The following CLSTN2 variants were observed in gnomAD, a reference collection of about 807,000 sequenced individuals.
CLSTN2 encodes the protein calsyntenin 2.
A neutral mutation model predicts 101.2 loss-of-function variants in CLSTN2; 48 were observed. The observed-to-expected ratio is 0.47, with a 90% confidence interval of 0.38 to 0.60. The LOEUF (loss-of-function observed/expected upper bound fraction) is 0.60. Ranked by LOEUF, CLSTN2 falls within the 20% of genes least tolerant of loss-of-function variation. The probability of loss-of-function intolerance (pLI) is 0.00; values close to 1 mark genes in which losing one functional copy is unlikely to be tolerated. For synonymous variants in CLSTN2, 481 were observed against 463.6 expected (o/e 1.04, Z -0.48); for missense variants, 1,160 against 1,238.2 (o/e 0.94, Z 0.95).
chr3:140,132,695 T>G (rs1454975114), intron 1 of CLSTN2, among the ~76,000 whole-genome samples: 2 of 152,210 alleles, frequency 1.3e-5, no homozygotes, highest in Non-Finnish European at 2.9e-5. Context: ...GTTTTATACT[T>G]CTTAAAGTTT....
intron 5 of CLSTN2, among the ~76,000 whole-genome samples, chr3:140,428,049 G>A (rs1045561022): frequency 1.3e-5 from 2 of 152,158 alleles, no homozygotes; most frequent in African/African-American, 4.8e-5. Flanking sequence ...ACAGCAGTGG[G>A]CCCAGCCAGA....
At chr3:140,453,378 G>A (rs563191520) in intron 6 of CLSTN2, 39 of 152,282 alleles carry the variant, frequency 2.6e-4, no homozygotes, top group African/African-American at 9.4e-4. Context: ...GTTGTTCTCA[G>A]GATTTATATA....
intron 1 of CLSTN2, among the ~76,000 whole-genome samples, chr3:140,149,678 T>C (rs1167593843): frequency 6.6e-6 from 1 of 152,094 alleles, no homozygotes; most frequent in Non-Finnish European, 1.5e-5. Context: ...AGGATGGTCT[T>C]GATCTCTTGA....
chr3:140,360,999 G>GT (rs978818941), intron 2 of CLSTN2, among the ~76,000 whole-genome samples: 19 of 152,138 alleles, frequency 1.2e-4, no homozygotes, highest in Non-Finnish European at 4.4e-5. Flanking sequence ...ATACTTGTTG[G>GT]TTTTTTCTGT....
chr3:140,420,271 T>C (rs1293215927), intron 4 of CLSTN2, among the ~76,000 whole-genome samples: 2 of 151,586 alleles, frequency 1.3e-5, no homozygotes, highest in African/African-American at 2.4e-5. Flanking sequence ...TGAGTTCTAA[T>C]TTGCTGTCAA....
intron 1 of CLSTN2, among the ~76,000 whole-genome samples, chr3:140,113,854 G>A (rs903606929): frequency 6.6e-6 from 1 of 152,186 alleles, no homozygotes; most frequent in African/African-American, 2.4e-5. Flanking sequence ...AATTGTGTGT[G>A]TGTATATATG....
At chr3:140,109,747 G>A (rs544052049) in intron 1 of CLSTN2, among the ~76,000 whole-genome samples, 1 of 152,164 alleles carries the variant, frequency 6.6e-6, no homozygotes, top group East Asian at 1.9e-4. Flanking sequence ...ATGGCACAGA[G>A]ACAGGACCAA....
intron 2 of CLSTN2, among the ~76,000 whole-genome samples, chr3:140,305,323 C>T (rs1257064950): frequency 6.6e-6 from 1 of 152,128 alleles, no homozygotes; most frequent in African/African-American, 2.4e-5. Flanking sequence ...TCTCTTAATA[C>T]TTTCAGAAAC....
At chr3:140,071,693 T>C (rs560508516) in intron 1 of CLSTN2, among the ~76,000 whole-genome samples, 2 of 151,868 alleles carry the variant, frequency 1.3e-5, no homozygotes, top group Non-Finnish European at 2.9e-5. Flanking sequence ...TAGCCGGGCG[T>C]GGTGGCGGGC....
At chr3:140,477,555 A>T (rs1934015026) in intron 8 of CLSTN2, among the ~76,000 whole-genome samples, 1 of 152,252 alleles carries the variant, frequency 6.6e-6, no homozygotes. Context: ...TGATTTACAT[A>T]CATTAGGTCT....
At chr3:140,015,093 G>A (rs2007174522) in intron 1 of CLSTN2, among the ~76,000 whole-genome samples, 2 of 152,152 alleles carry the variant, frequency 1.3e-5, no homozygotes, top group South Asian at 2.1e-4. Context: ...GAGTCCCATA[G>A]GGGTGGTTTG....
intron 5 of CLSTN2, among the ~76,000 whole-genome samples, chr3:140,444,414 G>A (rs1933030192): frequency 2.8e-5 from 4 of 141,632 alleles, no homozygotes; most frequent in South Asian, 2.6e-4. Context: ...TGGGTGACAA[G>A]AGCAAAACTC....
chr3:140,155,252 G>T (rs2009936646), intron 1 of CLSTN2, among the ~76,000 whole-genome samples: 1 of 152,188 alleles, frequency 6.6e-6, no homozygotes, highest in Non-Finnish European at 1.5e-5. Context: ...ATGTTGGCAG[G>T]TAGAGAAAGA....
At chr3:140,085,366 G>A (rs574584948) in intron 1 of CLSTN2, among the ~76,000 whole-genome samples, 13 of 152,116 alleles carry the variant, frequency 8.5e-5, no homozygotes, top group Admixed American at 2.6e-4. Flanking sequence ...CTTTAGACCC[G>A]CTTACTTTCC....
intron 2 of CLSTN2, among the ~76,000 whole-genome samples, chr3:140,223,611 T>A (rs9856460): frequency 0.42 from 64,392 of 152,102 alleles, 14,955 homozygotes; most frequent in Non-Finnish European, 0.54. Context: ...TCTTCTGCAA[T>A]GCCGGGTAGA....
intron 1 of CLSTN2, among the ~76,000 whole-genome samples, chr3:140,022,505 C>G (rs1407885955): frequency 1.3e-5 from 2 of 152,208 alleles, no homozygotes; most frequent in Non-Finnish European, 2.9e-5. Context: ...GAGGCCCAGA[C>G]AGCACAAATG....
At chr3:140,201,111 C>G (rs1299879269) in intron 2 of CLSTN2, among the ~76,000 whole-genome samples, 1 of 152,194 alleles carries the variant, frequency 6.6e-6, no homozygotes, top group African/African-American at 2.4e-5. Context: ...GACAGAGGCC[C>G]TGCCTTCAAA....
intron 1 of CLSTN2, among the ~76,000 whole-genome samples, chr3:140,127,617 G>A (rs547962951): frequency 1.3e-5 from 2 of 152,244 alleles, no homozygotes; most frequent in South Asian, 4.1e-4. Context: ...AGGAATCACA[G>A]CTCTTGGGCC....
chr3:140,397,011 A>G (rs1052014589), intron 2 of CLSTN2, among the ~76,000 whole-genome samples: 3 of 152,304 alleles, frequency 2.0e-5, no homozygotes. Context: ...AATATTTACT[A>G]TATCAAAAAT....
Sources: gnomAD v4.1 joint callset for allele counts (sites outside exome capture counted in the v4.1 genomes callset) on GRCh38, gnomAD v4.1.1 for gene constraint, MANE v1.5 for transcripts, NCBI Gene and HGNC (gene_info 2026-07-23, HGNC 2026-07-21) for gene names.